The following ZNF99 variants were observed in gnomAD, a reference collection of about 807,000 sequenced individuals.
The protein encoded by ZNF99 is zinc finger protein 99.
A neutral mutation model predicts 12.8 loss-of-function variants in ZNF99; 8 were observed. The observed-to-expected ratio is 0.62, with a 90% CI of 0.37 to 1.13. The LOEUF is 1.13. Among genes scored for constraint, ZNF99 ranks in the 50% most tolerant of loss-of-function variants. The pLI is 0.02. For synonymous variants in ZNF99, 318 were observed against 319.0 expected, an observed-to-expected ratio of 1.00 and a Z score of 0.03; for missense variants, 1,007 against 1,006.2, an observed-to-expected ratio of 1.00 and a Z score of -0.01.
chr19:22,761,346 T>C lies in ZNF99; in HGVS notation c.227-1664A>G, dbSNP rs184668010. ...AAGAGGTTCATAAGAGCTATTCTTA[T>C]ATAAGACAAAATAAACTTTAAAGCA... On this transcript the variant is annotated intron_variant, in intron 3 of 3. Coordinates refer to ENST00000596209, the MANE Select transcript of ZNF99 (RefSeq NM_001080409.3). Among the ~76,000 whole-genome samples the C allele has an allele frequency of 2.0e-5, 3 of 152,212 alleles. No individual in the cohort carries two copies. The East Asian group carries it at 5.8e-4, about 29-fold the overall frequency.
intron 3 of ZNF99, among the ~76,000 whole-genome samples, chr19:22,760,572 G>A (rs575361561): frequency 3.4e-4 from 51 of 152,004 alleles, no homozygotes; most frequent in African/African-American, 1.1e-3. Flanking sequence ...GTGAAACCGC[G>A]TCTCCACTAA....
rs1380864799 is a variant in ZNF99 at position 22,753,375 on chromosome 19, T to C, written c.*3939A>G. 1 of 152,126 alleles carries C rather than the reference T, an allele frequency of 6.6e-6. No individual in the cohort carries two copies. The highest frequency in any genetic ancestry group is 1.5e-5 in the Non-Finnish European group (1 of 67,992). The allele number at this position is 152,126 out of a possible 1,614,324, so 9.4% of individuals were successfully genotyped here. On this transcript the variant is annotated 3_prime_UTR_variant, in exon 4 of 4. Transcript: ENST00000596209. ...ATTTCTACTGTGAATTCTCTGACATTTACAGAGTTAATTTTGGATTGAATA... is the reference window on the plus strand; with the variant it reads ...ATTTCTACTGTGAATTCTCTGACATCTACAGAGTTAATTTTGGATTGAATA...
intron 3 of ZNF99, among the ~76,000 whole-genome samples, chr19:22,763,903 C>CTT (rs1349512561): frequency 2.7e-4 from 34 of 126,224 alleles, no homozygotes; most frequent in South Asian, 1.2e-3. Flanking sequence ...TTTTTTCTTT[C>CTT]CTTTTTTTTT....
chr19:22,755,415 T>C lies in ZNF99; in HGVS notation c.*1899A>G. ...GAATTATCTTATGTTCAGTAAGGTTTGAGGACCAGTTAAAAGTTTTGCCAC... is the reference window on the plus strand; with the variant it reads ...GAATTATCTTATGTTCAGTAAGGTTCGAGGACCAGTTAAAAGTTTTGCCAC... On this transcript the variant is annotated 3_prime_UTR_variant, in exon 4 of 4. Coordinates refer to ENST00000596209, the MANE Select transcript of ZNF99 (RefSeq NM_001080409.3). The C allele has an allele frequency of 3.3e-6, 1 of 302,126 alleles. No individual in the cohort carries two copies. The highest frequency in any genetic ancestry group is 3.7e-5 in the South Asian group (1 of 26,954). The allele number at this position is 302,126 out of a possible 1,614,324, so 18.7% of individuals were successfully genotyped here. A position where few individuals can be genotyped will look rare whatever the true frequency, so the allele number is the denominator to read the frequency against.
At chr19:22,771,989 C>G (rs7257643) in intron 1 of ZNF99, among the ~76,000 whole-genome samples, 6 of 118,878 alleles carry the variant, frequency 5.0e-5, no homozygotes, top group Non-Finnish European at 9.2e-5. Context: ...GTGCTGGGAT[C>G]ACAGGCGTGA....
Position 22,756,034 on chromosome 19 carries a change from T to A in ZNF99, c.*1280A>T, listed in dbSNP as rs1261596208. ...TAAAGGCTTTGCCACATTCTTTACA[T>A]TTGTGGGGTTTCTCTCCAGCATGAA... On this transcript the variant is annotated 3_prime_UTR_variant, in exon 4 of 4. Coordinates refer to ENST00000596209, the MANE Select transcript of ZNF99 (RefSeq NM_001080409.3). 2 of 1,069,780 alleles carry A rather than the reference T, an allele frequency of 1.9e-6. No individual in the cohort carries two copies. Among genetic ancestry groups the A allele is most frequent in the Non-Finnish European group, 2.7e-6 (2 of 751,098 alleles). 66.3% of individuals were successfully genotyped at this position (1,069,780 alleles called of 1,614,324 possible). A position where few individuals can be genotyped will look rare whatever the true frequency, so the allele number is the denominator to read the frequency against.
chr19:22,756,642 AATT>A lies in ZNF99; in HGVS notation c.*669_*671del, dbSNP rs1462470522. 1 of 1,593,520 alleles carries A rather than the reference AATT, an allele frequency of 6.3e-7. No individual in the cohort carries two copies. Among genetic ancestry groups the A allele is most frequent in the African/African-American group, 1.5e-5 (1 of 65,244 alleles). ...ATTTGTACGGTTTCTCCCCAGTATG[AATT>A]ATCTTATGTTTCATAAGGGTCGAGA... On this transcript the variant is annotated 3_prime_UTR_variant, in exon 4 of 4. Transcript: ENST00000596209.
intron 2 of ZNF99, 77 bp from the exon 3 acceptor site, chr19:22,768,477 G>C: frequency 8.4e-7 from 1 of 1,189,374 alleles, no homozygotes; most frequent in Non-Finnish European, 1.2e-6. Context: ...GAATGTAATA[G>C]AATATTCTAG....
At position 22,775,793 on chromosome 19, in the gene ZNF99, G is replaced by A. The variant is rs141202831; in HGVS notation, c.4-6469C>T. Among the ~76,000 whole-genome samples, 1,103 of 152,362 alleles carry A rather than the reference G, an allele frequency of 7.2e-3. 13 individuals carry two copies. Among genetic ancestry groups the A allele is most frequent in the African/African-American group, 0.026 (1,061 of 41,592 alleles). On this transcript the variant is annotated intron_variant, in intron 1 of 3. Coordinates refer to ENST00000596209, the MANE Select transcript of ZNF99 (RefSeq NM_001080409.3). ...TAATCCCAGCACTCTGGGAGGCTGA[G>A]GCGGGTGGATCACCTGAGGTCAGGA...
At position 22,783,994 on chromosome 19, in the gene ZNF99, A is replaced by G. The variant is rs1368043203; in HGVS notation, c.3+20T>C. ...GTCAGCCCCTTCCCCTTCTCAGGATATCGGACCCGGCACTCTCACCATTTC... is the reference window on the plus strand; with the variant it reads ...GTCAGCCCCTTCCCCTTCTCAGGATGTCGGACCCGGCACTCTCACCATTTC... On this transcript the variant is annotated intron_variant, in intron 1 of 3. Transcript: ENST00000596209. 2 of 1,613,668 alleles carry G rather than the reference A, an allele frequency of 1.2e-6. No homozygotes were observed. Among genetic ancestry groups the G allele is most frequent in the Non-Finnish European group, 1.7e-6 (2 of 1,179,984 alleles).
rs761025659 is a variant in ZNF99, at chr19:22,768,384, C to T, written c.147G>A (p.Lys49=). 8 of 1,612,172 alleles carry T rather than the reference C, an allele frequency of 5.0e-6. No individual in the cohort carries two copies. In the Middle Eastern group the frequency reaches 1.2e-3, roughly 233 times the overall value. The change falls in exon 3 of 4, where the codon AAG becomes AAA. Residue 49 remains lysine (K), a synonymous_variant. Coordinates refer to ENST00000596209, the MANE Select transcript of ZNF99 (RefSeq NM_001080409.3). ...NLVFLGIAVS[K]LDLITCLKQG... ...GCTTCAGACAAGTTATCAAGTCTAG[C>T]TTAGAGACAGCGATACCTGTTTTAT...
chr19:22,771,922 T>A, intron 1 of ZNF99, among the ~76,000 whole-genome samples: 1 of 149,470 alleles, frequency 6.7e-6, no homozygotes, highest in Non-Finnish European at 1.5e-5. Context: ...TTCACCATAT[T>A]GGCCAGGCTG....
intron 1 of ZNF99, among the ~76,000 whole-genome samples, chr19:22,775,350 G>C (rs1209585199): frequency 6.6e-6 from 1 of 152,152 alleles, no homozygotes; most frequent in Admixed American, 6.5e-5. Context: ...AAACCACCTA[G>C]CAGTATGTAG....
intron 3 of ZNF99, among the ~76,000 whole-genome samples, chr19:22,761,864 T>C (rs1973154277): frequency 6.6e-6 from 1 of 151,972 alleles, no homozygotes; most frequent in African/African-American, 2.4e-5. Context: ...TACATGTAAA[T>C]TAAAAAACCT....
At chr19:22,766,367 T>A (rs1446654900) in intron 3 of ZNF99, among the ~76,000 whole-genome samples, 1 of 147,994 alleles carries the variant, frequency 6.8e-6, no homozygotes, top group Non-Finnish European at 1.5e-5. Flanking sequence ...TGAGATGGAG[T>A]CTCGCTCTAT....
intron 3 of ZNF99, among the ~76,000 whole-genome samples, chr19:22,766,993 C>T (rs147951283): frequency 1.3e-5 from 2 of 151,088 alleles, no homozygotes; most frequent in South Asian, 2.1e-4. Context: ...ATTTATCAAA[C>T]TACTTAATAA....
At position 22,756,575 on chromosome 19, in the gene ZNF99, T is replaced by C. The variant is rs1973059015; in HGVS notation, c.*739A>G. ...CCAGTATGAATTGATTTATGTTTAG[T>C]AAGGTGTGAGGATTGCTTAAAAGCT... is the stretch of plus-strand genomic sequence containing the variant. On this transcript the variant is annotated 3_prime_UTR_variant, in exon 4 of 4. Transcript: ENST00000596209. 3 of 1,599,940 alleles carry C rather than the reference T, an allele frequency of 1.9e-6. No homozygotes were observed. The highest frequency in any genetic ancestry group is 2.6e-6 in the Non-Finnish European group (3 of 1,176,414).
At position 22,752,467 on chromosome 19, in the gene ZNF99, T is replaced by A. The variant is rs1972981987; in HGVS notation, c.*4847A>T. 1.3e-5 allele frequency: 2 copies of A among 151,564 alleles called. No individual in the cohort carries two copies. The highest frequency in any genetic ancestry group is 4.2e-4 in the South Asian group (2 of 4,808). 9.4% of individuals were successfully genotyped at this position (151,564 alleles called of 1,614,324 possible). ...AAGTTAAGAAAAATAAGTTTAAATTTGTCAAGGCAAAAAAAAAAAGAAGTT... is the reference window on the plus strand; with the variant it reads ...AAGTTAAGAAAAATAAGTTTAAATTAGTCAAGGCAAAAAAAAAAAGAAGTT... On this transcript the variant is annotated 3_prime_UTR_variant, in exon 4 of 4. Coordinates refer to ENST00000596209, the MANE Select transcript of ZNF99 (RefSeq NM_001080409.3).
Position 22,758,231 on chromosome 19 carries a change from T to C in ZNF99, c.1678A>G (p.Thr560Ala), listed in dbSNP as rs1973098651. The C allele has an allele frequency of 3.1e-6, 5 of 1,612,106 alleles. No individual in the cohort carries two copies. The highest frequency in any genetic ancestry group is 1.3e-5 in the African/African-American group (1 of 74,860). The part of the protein sequence containing the change: ...STLMKHKIIH[T>A]GKKPYKCEEC... ...TCACATTTGTATGGTTTCTTCCCAG[T>C]ATGAATTATCTTATGTTTCATAAGG... The change falls in exon 4 of 4, where the codon ACT (threonine) becomes GCT (alanine). Residue 560 changes from threonine to alanine, a missense_variant. Physicochemically the swap from Thr to Ala is moderately conservative, Grantham distance 58. Transcript: ENST00000596209.
Sources: gnomAD v4.1 joint callset for allele counts (sites outside exome capture counted in the v4.1 genomes callset) on GRCh38, gnomAD v4.1.1 for gene constraint, MANE v1.5 for transcripts, NCBI Gene and HGNC (gene_info 2026-07-23, HGNC 2026-07-21) for gene names.